Variants in CHM observed in about 807,000 individuals in gnomAD.
The protein encoded by CHM is rab proteins geranylgeranyltransferase component A 1.
A neutral mutation model predicts 49.0 loss-of-function variants in CHM; 10 were observed. The ratio of observed to expected loss-of-function variants is 0.20; its 90% CI spans 0.13 to 0.35. The LOEUF (loss-of-function observed/expected upper bound fraction) is 0.35. Among genes scored for constraint, CHM ranks in the 10% least tolerant of loss-of-function variants. The pLI is 1.00. For synonymous variants in CHM, 184 were observed against 167.5 expected (o/e 1.10, Z -0.76); for missense variants, 455 against 478.4 (o/e 0.95, Z 0.46).
At chrX:86,036,074 T>C (rs1044519335) in intron 1 of CHM, among the ~76,000 whole-genome samples, 11 of 110,879 alleles carry the variant, frequency 9.9e-5, no homozygotes, top group Admixed American at 9.6e-4. Flanking sequence ...ATTACAGGCG[T>C]GAGACACCAT....
intron 4 of CHM, among the ~76,000 whole-genome samples, chrX:85,974,940 T>C (rs1315974907): frequency 9.0e-6 from 1 of 111,198 alleles, no homozygotes; most frequent in Non-Finnish European, 1.9e-5. Context: ...TCCAACCACA[T>C]ATCTGACAAA....
At chrX:85,966,685 C>T (rs912081809) in intron 4 of CHM, among the ~76,000 whole-genome samples, 8 of 111,998 alleles carry the variant, frequency 7.1e-5, no homozygotes, top group Non-Finnish European at 1.5e-4. Context: ...AGTAAAAGTT[C>T]CATGCCTAAC....
At chrX:85,929,193 T>G (rs1928270246) in intron 8 of CHM, among the ~76,000 whole-genome samples, 1 of 111,809 alleles carries the variant, frequency 8.9e-6, no homozygotes, top group Non-Finnish European at 1.9e-5. Context: ...AACACACTCC[T>G]GATTAACTCC....
At chrX:85,931,304 G>GA (rs750314793) in intron 8 of CHM, among the ~76,000 whole-genome samples, 5 of 109,993 alleles carry the variant, frequency 4.5e-5, no homozygotes, top group Non-Finnish European at 9.5e-5. Context: ...GTAAGTTAGG[G>GA]AAAAAAAATA....
intron 3 of CHM, 48 bp downstream of exon 3, chrX:85,981,689 A>G: frequency 1.1e-6 from 1 of 919,943 alleles, no homozygotes; most frequent in Middle Eastern, 2.8e-4. Flanking sequence ...GTTACTATGT[A>G]ACATACAATA....
intron 1 of CHM, among the ~76,000 whole-genome samples, chrX:86,033,501 T>C (rs1441820892): frequency 1.8e-5 from 2 of 112,352 alleles, no homozygotes; most frequent in Non-Finnish European, 3.8e-5. Flanking sequence ...AAGAGTAAGT[T>C]CTTTTTTAGG....
intron 5 of CHM, among the ~76,000 whole-genome samples, chrX:85,960,549 G>A (rs1300337758): frequency 5.5e-5 from 6 of 109,993 alleles, no homozygotes; most frequent in Non-Finnish European, 1.1e-4. Context: ...TCAGCCTCCC[G>A]AGTAGCTGGC....
intron 5 of CHM, among the ~76,000 whole-genome samples, chrX:85,961,626 A>T (rs997120946): frequency 4.6e-5 from 5 of 109,823 alleles, no homozygotes; most frequent in African/African-American, 1.7e-4. Flanking sequence ...TAACATTTTA[A>T]AAACGGAAAA....
chrX:85,990,364 A>G (rs2147728649), intron 2 of CHM, among the ~76,000 whole-genome samples: 1 of 111,859 alleles, frequency 8.9e-6, no homozygotes, highest in East Asian at 2.8e-4. Flanking sequence ...AGAGAAGCAG[A>G]AAATATAACT....
intron 4 of CHM, chrX:85,971,568 T>G (rs1173434567): frequency 3.3e-6 from 1 of 298,662 alleles, no homozygotes; most frequent in East Asian, 1.2e-4. Flanking sequence ...GTGTTACAGC[T>G]CATAAAAGCA....
At chrX:85,987,457 A>G (rs954420923) in intron 2 of CHM, among the ~76,000 whole-genome samples, 4 of 112,067 alleles carry the variant, frequency 3.6e-5, no homozygotes, top group African/African-American at 1.3e-4. Flanking sequence ...CTCAGCTGAA[A>G]CCACCCAAGC....
chrX:85,894,424 A>C, intron 11 of CHM, 140 bp from the exon 12 acceptor site: 1 of 452,309 alleles, frequency 2.2e-6, no homozygotes, highest in Non-Finnish European at 3.9e-6. Context: ...TAAGGATTTA[A>C]TTTTGGAACA....
chrX:86,047,171 C>T (rs954135850), intron 1 of CHM: 1 of 361,788 alleles, frequency 2.8e-6, no homozygotes, highest in African/African-American at 2.5e-5. Context: ...TTGATAAAAT[C>T]CCGACCCTCC....
At chrX:85,892,160 G>C (rs1172125225) in intron 12 of CHM, among the ~76,000 whole-genome samples, 1 of 111,640 alleles carries the variant, frequency 9.0e-6, no homozygotes, top group Non-Finnish European at 1.9e-5. Context: ...AGACAGATGG[G>C]ACTTGCCTTG....
chrX:85,886,529 G>T (rs1412112057), intron 12 of CHM, among the ~76,000 whole-genome samples: 1 of 111,423 alleles, frequency 9.0e-6, no homozygotes, highest in Admixed American at 9.6e-5. Context: ...TTACGAACAG[G>T]TTTGGATACA....
chrX:85,881,153 T>C (rs1300302562), intron 12 of CHM, among the ~76,000 whole-genome samples: 4 of 111,451 alleles, frequency 3.6e-5, no homozygotes, highest in African/African-American at 1.3e-4. Flanking sequence ...ACATCAAGTA[T>C]TCCTGTGTTT....
At position 85,947,759 on chromosome X, in the gene CHM, CA is replaced by C. The variant is rs769349322; in HGVS notation, c.1166+8393del. ...AAGCTAGAGATCAGCTTGTGTTACA[CA>C]ATTTCCTATAAATCTCACATCTTCA... is the stretch of plus-strand genomic sequence containing the variant. On this transcript the variant is annotated intron_variant, in intron 8 of 14. Transcript: ENST00000357749. 3.6e-5 allele frequency among the ~76,000 whole-genome samples: 4 copies of C among 112,302 alleles called. No homozygotes were observed. The East Asian group carries it at 1.1e-3, about 31-fold the overall frequency.
intron 3 of CHM, among the ~76,000 whole-genome samples, chrX:85,979,721 T>C (rs1332506307): frequency 8.9e-6 from 1 of 112,119 alleles, no homozygotes; most frequent in Admixed American, 9.5e-5. Flanking sequence ...AAGGAACTAG[T>C]AGGAAAATAG....
Position 85,898,561 on chromosome X carries a change from C to T in CHM, c.1413+2085G>A, listed in dbSNP as rs188862421. Among the ~76,000 whole-genome samples, 261 of 112,190 alleles carry T rather than the reference C, an allele frequency of 2.3e-3. 1 individual carries two copies. Among genetic ancestry groups the T allele is most frequent in the Non-Finnish European group, 4.0e-3 (213 of 53,206 alleles). On this transcript the variant is annotated intron_variant, in intron 11 of 14. Transcript: ENST00000357749. ...CATCCCTCTTCAAAGACCAGTTCCT[C>T]TCTCTTACTCTTCACAGCTTAGCTT...
Sources: allele counts gnomAD v4.1 joint callset (sites outside exome capture counted in the v4.1 genomes callset), GRCh38; gene constraint gnomAD v4.1.1; transcripts MANE v1.5; gene names NCBI Gene and HGNC (gene_info 2026-07-23, HGNC 2026-07-21).